LMX1B: variants seen among roughly 807,000 people sequenced by gnomAD.
LMX1B encodes LIM homeobox transcription factor 1 beta, also known as LIM homeobox transcription factor 1-beta.
A neutral mutation model predicts 51.4 loss-of-function variants in LMX1B; 12 were observed. The observed-to-expected ratio is 0.23, with a 90% CI of 0.15 to 0.38. LMX1B has a LOEUF of 0.38. Among genes scored for constraint, LMX1B ranks in the 10% least tolerant of loss-of-function variants. LMX1B has a pLI of 1.00. For missense variants in LMX1B, 445 were observed against 571.1 expected (o/e 0.78, Z 2.25); for synonymous variants, 237 against 235.4 (o/e 1.01, Z -0.06).
At chr9:126,634,359 C>T (rs888141408) in intron 2 of LMX1B, among the ~76,000 whole-genome samples, 1 of 152,202 alleles carries the variant, frequency 6.6e-6, no homozygotes, top group Non-Finnish European at 1.5e-5. Context: ...CAGTTTCATA[C>T]AGGCATTCCA....
Position 126,693,165 on chromosome 9 carries a change from G to A in LMX1B, c.583G>A (p.Asp195Asn), listed in dbSNP as rs1413108295. Residue 195 changes from aspartate (D) to asparagine (N), a missense_variant, in exon 4 of 8, where the codon GAC becomes AAC. Coordinates refer to ENST00000373474, the MANE Select transcript of LMX1B (RefSeq NM_001174147.2). The stretch of plus-strand genomic sequence containing the variant: ...AGTGAAGAGCGAGGATGAAGATGGG[G>A]ACATGAAGCCGGCCAAGGGGCAGGG... ...DSVKSEDEDG[D>N]MKPAKGQGSQ... 1.3e-6 allele frequency: 2 copies of A among 1,592,328 alleles called. No homozygotes were observed. Among genetic ancestry groups the A allele is most frequent in the South Asian group, 2.3e-5 (2 of 87,598 alleles).
intron 2 of LMX1B, among the ~76,000 whole-genome samples, chr9:126,656,591 G>A (rs1836122001): frequency 6.6e-6 from 1 of 152,196 alleles, no homozygotes; most frequent in Admixed American, 6.5e-5. Flanking sequence ...TTGGGACATG[G>A]GGAGAGGTGG....
In LMX1B at chr9:126,622,530, C is replaced by T. The variant is rs57872244; in HGVS notation, c.326+6961C>T. Among the ~76,000 whole-genome samples the T allele has an allele frequency of 7.3e-3, 1,109 of 152,338 alleles. 13 individuals carry two copies. The highest frequency in any genetic ancestry group is 0.025 in the African/African-American group (1,044 of 41,574). On this transcript the variant is annotated intron_variant, in intron 2 of 7. Transcript: ENST00000373474. ...CCAAGCGCCTCCCCAGGAACTTCAG[C>T]AGCGGTGACGGGAGGGGAGGAGCAG...
Position 126,625,356 on chromosome 9 carries a change from G to GGGGA in LMX1B, c.326+9791_326+9794dup, listed in dbSNP as rs908616992. Among the ~76,000 whole-genome samples, 2 of 152,190 alleles carry GGGGA rather than the reference G, an allele frequency of 1.3e-5. No individual in the cohort carries two copies. Among genetic ancestry groups the GGGGA allele is most frequent in the African/African-American group, 4.8e-5 (2 of 41,444 alleles). The stretch of plus-strand genomic sequence containing the variant: ...GACCCCACGACTAGAGGATGAATGG[G>GGGGA]GGGAGGGTTAGTGGGATGTGTTTGC... On this transcript the variant is annotated intron_variant, in intron 2 of 7. Transcript: ENST00000373474. This position sits in a 1 kb window ranked among gnomAD's most constrained non-coding sequence, Gnocchi z 5.3.
chr9:126,632,007 TGAAA>T (rs779317245), intron 2 of LMX1B, among the ~76,000 whole-genome samples: 20 of 152,300 alleles, frequency 1.3e-4, no homozygotes, highest in Admixed American at 2.0e-4. Context: ...CAGTTCGTAC[TGAAA>T]GAAAGTATAA....
At chr9:126,624,910 C>G (rs1835491318) in intron 2 of LMX1B, among the ~76,000 whole-genome samples, 1 of 151,998 alleles carries the variant, frequency 6.6e-6, no homozygotes, top group African/African-American at 2.4e-5. Context: ...GGGGGAGAGT[C>G]CGGCCATTAA....
chr9:126,650,771 A>G (rs1835987854), intron 2 of LMX1B, among the ~76,000 whole-genome samples: 1 of 152,212 alleles, frequency 6.6e-6, no homozygotes, highest in Admixed American at 6.5e-5. Context: ...CTTGCTGCGC[A>G]TCCTTTCTGT....
rs1332269622 is a variant in LMX1B at position 126,698,468 on chromosome 9, G to A, written c.*2017G>A. 5 of 152,270 alleles carry A rather than the reference G, an allele frequency of 3.3e-5. No individual in the cohort carries two copies. Among genetic ancestry groups the A allele is most frequent in the African/African-American group, 1.2e-4 (5 of 41,460 alleles). The allele number at this position is 152,270 out of a possible 1,614,324, so 9.4% of individuals were successfully genotyped here. On this transcript the variant is annotated 3_prime_UTR_variant, in exon 8 of 8. Transcript: ENST00000373474. ...TCCCAGGGCAATTGCAGAAGATTGT[G>A]TCAGGCGCCCTGCTGGAAGTCAGGT...
At chr9:126,648,492 C>T (rs1045709189) in intron 2 of LMX1B, among the ~76,000 whole-genome samples, 10 of 152,184 alleles carry the variant, frequency 6.6e-5, no homozygotes, top group African/African-American at 2.4e-4. Flanking sequence ...CTCCTGTGAG[C>T]TGTGGTACCC....
At position 126,618,544 on chromosome 9, in the gene LMX1B, AAGC is replaced by A. The variant is rs946321649; in HGVS notation, c.326+2979_326+2981del. ...TGGGGGCTCCTTCAAAAAAAAGAAAAAGCAGCCTTTTCGGACAGAAAACCAGTT... is the reference window on the plus strand; with the variant it reads ...TGGGGGCTCCTTCAAAAAAAAGAAAAAGCCTTTTCGGACAGAAAACCAGTT... On this transcript the variant is annotated intron_variant, in intron 2 of 7. Transcript: ENST00000373474. The surrounding 1 kb of genome is among the most constrained non-coding windows in gnomAD (Gnocchi z 4.5). 3.9e-5 allele frequency among the ~76,000 whole-genome samples: 6 copies of A among 152,242 alleles called. No individual in the cohort carries two copies. Among genetic ancestry groups the A allele is most frequent in the African/African-American group, 9.6e-5 (4 of 41,546 alleles).
intron 2 of LMX1B, among the ~76,000 whole-genome samples, chr9:126,638,148 C>G (rs1835747317): frequency 6.6e-6 from 1 of 152,038 alleles, no homozygotes; most frequent in African/African-American, 2.4e-5. Context: ...GTTCCCGAAG[C>G]CTGAGGAGCT....
intron 2 of LMX1B, among the ~76,000 whole-genome samples, chr9:126,672,368 T>C (rs1588294109): frequency 6.6e-6 from 1 of 152,214 alleles, no homozygotes; most frequent in African/African-American, 2.4e-5. Flanking sequence ...TTTGTGCCCA[T>C]GCGGGGCTCA....
chr9:126,677,257 A>C lies in LMX1B; in HGVS notation c.327-13579A>C, dbSNP rs983738077. Among the ~76,000 whole-genome samples the C allele has an allele frequency of 6.6e-6, 1 of 152,110 alleles. No individual in the cohort carries two copies. Among genetic ancestry groups the C allele is most frequent in the Non-Finnish European group, 1.5e-5 (1 of 68,012 alleles). On this transcript the variant is annotated intron_variant, in intron 2 of 7. Transcript: ENST00000373474. The surrounding 1 kb of genome is among the most constrained non-coding windows in gnomAD (Gnocchi z 5.0). ...GGAAATGAGTGGCACCCACACTTTC[A>C]TATACCTCCTTTTAATTCCTGCTCC...
At chr9:126,654,281 C>A (rs1836071978) in intron 2 of LMX1B, among the ~76,000 whole-genome samples, 1 of 152,226 alleles carries the variant, frequency 6.6e-6, no homozygotes, top group Non-Finnish European at 1.5e-5. Flanking sequence ...AGGGTTGCTG[C>A]CCCCTGGCTG....
rs111507598 is a variant in LMX1B, at chr9:126,679,283, A to G, written c.327-11553A>G. ...AAGTAGCTAAGTATTTGTTGGACGG[A>G]TGGAGGCATGGATGTTTGTATGGAT... On this transcript the variant is annotated intron_variant, in intron 2 of 7. Coordinates refer to ENST00000373474, the MANE Select transcript of LMX1B (RefSeq NM_001174147.2). 6.7e-3 allele frequency among the ~76,000 whole-genome samples: 1,015 copies of G among 152,200 alleles called. 5 individuals carry two copies. The highest frequency in any genetic ancestry group is 0.048 in the Middle Eastern group (14 of 294).
At position 126,696,740 on chromosome 9, in the gene LMX1B, C is replaced by T. The variant is rs961340387; in HGVS notation, c.*289C>T. 1.3e-5 allele frequency: 7 copies of T among 529,054 alleles called. No homozygotes were observed. The highest frequency in any genetic ancestry group is 3.3e-5 in the Admixed American group (1 of 30,116). The allele number at this position is 529,054 out of a possible 1,614,324, so 32.8% of individuals were successfully genotyped here. Reference sequence around the variant, plus strand: ...CTCCCAGCCCCACCTCGGCCTCCATCGCCTCCTCCCCATCTCTTTTTTGGG... The same window carrying T: ...CTCCCAGCCCCACCTCGGCCTCCATTGCCTCCTCCCCATCTCTTTTTTGGG... On this transcript the variant is annotated 3_prime_UTR_variant, in exon 8 of 8. Transcript: ENST00000373474.
At chr9:126,666,902 G>A (rs914870872) in intron 2 of LMX1B, among the ~76,000 whole-genome samples, 17 of 152,342 alleles carry the variant, frequency 1.1e-4, no homozygotes, top group East Asian at 1.9e-4. Flanking sequence ...TTCTCTCTCA[G>A]CCCTGGGAGA....
chr9:126,692,915 G>A (rs1396613370), intron 3 of LMX1B, among the ~76,000 whole-genome samples: 4 of 152,224 alleles, frequency 2.6e-5, no homozygotes, highest in South Asian at 2.1e-4. Context: ...CGTGTGTGCC[G>A]GGGAAGGGAC....
At chr9:126,665,718 T>G (rs1836329948) in intron 2 of LMX1B, among the ~76,000 whole-genome samples, 1 of 152,204 alleles carries the variant, frequency 6.6e-6, no homozygotes, top group Non-Finnish European at 1.5e-5. Context: ...GGAGAATCGC[T>G]GGCCTTTGAA....
Sources: allele counts gnomAD v4.1 joint callset (sites outside exome capture counted in the v4.1 genomes callset), GRCh38; gene constraint gnomAD v4.1.1; non-coding constraint Gnocchi (gnomAD v3.1); transcripts MANE v1.5; gene names NCBI Gene and HGNC (gene_info 2026-07-23, HGNC 2026-07-21).